Variants in GRAMD4 observed in about 807,000 individuals in gnomAD.
GRAMD4 encodes the protein GRAM domain-containing protein 4.
GRAMD4 carries 25 observed loss-of-function variants against 83.9 expected under a neutral mutation model. That is an observed-to-expected ratio of 0.30 (90% confidence interval 0.22 to 0.42). GRAMD4 has a LOEUF of 0.42. Ranked by LOEUF, GRAMD4 falls within the 10% of genes least tolerant of loss-of-function variation. GRAMD4 has a pLI of 1.00. For synonymous variants in GRAMD4, 336 were observed against 320.9 expected, an observed-to-expected ratio of 1.05 and a Z score of -0.50; for missense variants, 593 against 788.7, an observed-to-expected ratio of 0.75 and a Z score of 2.97.
intron 1 of GRAMD4, among the ~76,000 whole-genome samples, chr22:46,586,190 C>G (rs1259304541): frequency 3.9e-5 from 6 of 152,040 alleles, no homozygotes; most frequent in Admixed American, 2.6e-4. Context: ...TAGGGGGTGG[C>G]CCACTCACCT....
At chr22:46,590,548 T>A (rs13056310) in intron 1 of GRAMD4, among the ~76,000 whole-genome samples, 8 of 152,018 alleles carry the variant, frequency 5.3e-5, no homozygotes, top group East Asian at 1.9e-4. Context: ...GGTGTCTGCC[T>A]GTTGCTCGTG....
In GRAMD4 at chr22:46,583,663, C is replaced by T. The variant is rs112733397; in HGVS notation, c.-50+6373C>T. On this transcript the variant is annotated intron_variant, in intron 1 of 1. Coordinates refer to the GRAMD4 transcript ENST00000431155. Reference sequence around the variant, plus strand: ...GAATTTGGATGTATTTCTCATGGTGCGACTGGGGCCCTGGCTTAGCGGGAG... The same window carrying T: ...GAATTTGGATGTATTTCTCATGGTGTGACTGGGGCCCTGGCTTAGCGGGAG... 8.0e-4 allele frequency among the ~76,000 whole-genome samples: 122 copies of T among 152,328 alleles called. 1 individual carries two copies. The highest frequency in any genetic ancestry group is 2.7e-3 in the African/African-American group (113 of 41,568).
intron 2 of GRAMD4, among the ~76,000 whole-genome samples, chr22:46,630,769 C>G (rs1601595513): frequency 6.6e-6 from 1 of 152,370 alleles, no homozygotes; most frequent in Non-Finnish European, 1.5e-5. Context: ...TCCTGGCAGC[C>G]TGGTGCCCAT....
At chr22:46,630,012 A>G (rs1453331042) in intron 2 of GRAMD4, among the ~76,000 whole-genome samples, 1 of 150,258 alleles carries the variant, frequency 6.7e-6, no homozygotes, top group Non-Finnish European at 1.5e-5. Flanking sequence ...TGGCCAGGCC[A>G]CATTTTCTTT....
At chr22:46,663,198 C>T in intron 6 of GRAMD4, 26 bp downstream of exon 6, 2 of 1,601,496 alleles carry the variant, frequency 1.2e-6, no homozygotes, top group Non-Finnish European at 1.7e-6. Flanking sequence ...GCTGGGGCTG[C>T]CTGTGCGTTA....
intron 1 of GRAMD4, among the ~76,000 whole-genome samples, chr22:46,606,980 C>T (rs1201137974): frequency 1.3e-5 from 2 of 149,150 alleles, no homozygotes; most frequent in African/African-American, 5.2e-5. Flanking sequence ...CTATGGCTTA[C>T]CCTCCCCAGC....
At chr22:46,668,645 C>G in intron 11 of GRAMD4, 44 bp from the exon 12 acceptor site, 4 of 1,589,744 alleles carry the variant, frequency 2.5e-6, no homozygotes, top group Non-Finnish European at 3.4e-6. Flanking sequence ...GACTGACAGC[C>G]CAGGAGCGGG....
chr22:46,605,299 C>A (rs2081354385), intron 1 of GRAMD4, among the ~76,000 whole-genome samples: 1 of 152,258 alleles, frequency 6.6e-6, no homozygotes, highest in Non-Finnish European at 1.5e-5. Context: ...CTTTTCAGGG[C>A]TGAGTAATAT....
chr22:46,616,731 C>A, upstream of GRAMD4, among the ~76,000 whole-genome samples: 1 of 143,496 alleles, frequency 7.0e-6, no homozygotes, highest in Non-Finnish European at 1.5e-5. Context: ...TGTAGGTTCC[C>A]CCGTGTGTGC....
rs1300314920 is a variant in GRAMD4 at position 46,622,727 on chromosome 22, CA to C, written c.-50+2163del. ...AGGAGATTGAGACCATCCTGGCTAACATGGCGAAACTCCGTCTCTACTAAAA... is the reference window on the plus strand; with the variant it reads ...AGGAGATTGAGACCATCCTGGCTAACTGGCGAAACTCCGTCTCTACTAAAA... On this transcript the variant is annotated intron_variant, in intron 1 of 18. Coordinates refer to ENST00000406902, the MANE Select transcript of GRAMD4 (RefSeq NM_015124.5). This position sits in a 1 kb window ranked among gnomAD's most constrained non-coding sequence, Gnocchi z 4.0. Among the ~76,000 whole-genome samples the C allele has an allele frequency of 6.6e-6, 1 of 152,112 alleles. No individual in the cohort carries two copies. The highest frequency in any genetic ancestry group is 2.4e-5 in the African/African-American group (1 of 41,430).
chr22:46,680,662 T>C (rs1251641845), downstream of GRAMD4, among the ~76,000 whole-genome samples: 205 of 7,550 alleles, frequency 0.027, no homozygotes, highest in South Asian at 0.04. Context: ...ACCTACCCAC[T>C]CATCCATCAA....
At chr22:46,654,386 G>A (rs887232666) in intron 3 of GRAMD4, among the ~76,000 whole-genome samples, 1 of 152,326 alleles carries the variant, frequency 6.6e-6, no homozygotes, top group African/African-American at 2.4e-5. Context: ...CACCCTCTCA[G>A]GGCAGGGTGT....
chr22:46,604,478 C>T (rs1009459699), intron 1 of GRAMD4, among the ~76,000 whole-genome samples: 1 of 152,140 alleles, frequency 6.6e-6, no homozygotes, highest in Non-Finnish European at 1.5e-5. Context: ...GTTCTGCAAC[C>T]GTCACTACCA....
At chr22:46,644,444 C>A (rs2082037158) in intron 3 of GRAMD4, among the ~76,000 whole-genome samples, 1 of 152,178 alleles carries the variant, frequency 6.6e-6, no homozygotes, top group East Asian at 1.9e-4. Flanking sequence ...CGTGTTACAT[C>A]TGTCCCTTTT....
rs932441352 is a variant in GRAMD4, at chr22:46,622,652, G to A, written c.-50+2087G>A. On this transcript the variant is annotated intron_variant, in intron 1 of 18. Transcript: ENST00000406902. This position sits in a 1 kb window ranked among gnomAD's most constrained non-coding sequence, Gnocchi z 4.0. ...AGTTGGGCTGAGCACGGCGGCTCAC[G>A]CCTGTAATCCCAGCACTTTGGGAGG... Among the ~76,000 whole-genome samples the A allele has an allele frequency of 7.2e-5, 11 of 152,280 alleles. No homozygotes were observed. The highest frequency in any genetic ancestry group is 2.0e-4 in the Admixed American group (3 of 15,302).
At chr22:46,646,423 GC>G (rs1446655642) in intron 3 of GRAMD4, among the ~76,000 whole-genome samples, 1 of 152,246 alleles carries the variant, frequency 6.6e-6, no homozygotes, top group African/African-American at 2.4e-5. Flanking sequence ...GCTTCCTGAG[GC>G]CTGCAGACCT....
intron 2 of GRAMD4, among the ~76,000 whole-genome samples, chr22:46,637,094 T>C (rs1334489170): frequency 6.6e-6 from 1 of 152,098 alleles, no homozygotes; most frequent in Non-Finnish European, 1.5e-5. Context: ...TCAGTGTGGC[T>C]CGTGGAGGCG....
intron 3 of GRAMD4, among the ~76,000 whole-genome samples, chr22:46,644,324 C>T (rs1048063029): frequency 4.6e-5 from 7 of 151,250 alleles, no homozygotes; most frequent in African/African-American, 7.3e-5. Context: ...GCCCCTGTTC[C>T]GTGTTACACC....
chr22:46,593,648 A>C (rs1355299870), intron 1 of GRAMD4, among the ~76,000 whole-genome samples: 1 of 152,116 alleles, frequency 6.6e-6, no homozygotes, highest in Non-Finnish European at 1.5e-5. Flanking sequence ...GGGGCATAGA[A>C]TGGGATGCGT....
Sources: allele counts gnomAD v4.1 joint callset (sites outside exome capture counted in the v4.1 genomes callset), GRCh38; gene constraint gnomAD v4.1.1; non-coding constraint Gnocchi (gnomAD v3.1); transcripts MANE v1.5; gene names NCBI Gene and HGNC (gene_info 2026-07-23, HGNC 2026-07-21).